Variants in IRAG1 observed in about 807,000 individuals in gnomAD.
The protein encoded by IRAG1 is inositol 1,4,5-triphosphate receptor associated 1, also known as IP3R-associated cGMP kinase substrate.
A neutral mutation model predicts 106.2 loss-of-function variants in IRAG1; 62 were observed. That is an observed-to-expected ratio of 0.58 (90% CI 0.48 to 0.72). The LOEUF is 0.72. Among genes scored for constraint, IRAG1 ranks in the 30% least tolerant of loss-of-function variants. The pLI is 0.00. For synonymous variants in IRAG1, 462 were observed against 443.9 expected (o/e 1.04, Z -0.51); for missense variants, 1,064 against 1,140.7 (o/e 0.93, Z 0.97).
chr11:10,629,960 T>C (rs1402713685), intron 4 of IRAG1: 1 of 444,980 alleles, frequency 2.2e-6, no homozygotes, highest in Admixed American at 3.9e-5. Context: ...GTTCCCAGAA[T>C]TTTCCTAAAC....
At chr11:10,614,563 A>T (rs373641028) in intron 10 of IRAG1, among the ~76,000 whole-genome samples, 1 of 152,246 alleles carries the variant, frequency 6.6e-6, no homozygotes, top group African/African-American at 2.4e-5. Flanking sequence ...TACAGTAACC[A>T]AAACAGCATG....
At chr11:10,615,905 A>C (rs1387113212) in intron 10 of IRAG1, among the ~76,000 whole-genome samples, 1 of 136,442 alleles carries the variant, frequency 7.3e-6, no homozygotes, top group East Asian at 2.8e-4. Flanking sequence ...CACGTTGTGC[A>C]CATGTACCTT....
intron 15 of IRAG1, 83 bp downstream of exon 15, chr11:10,600,835 G>A: frequency 6.4e-7 from 1 of 1,562,874 alleles, no homozygotes; most frequent in Non-Finnish European, 8.7e-7. Flanking sequence ...TCCTGGGGCT[G>A]TTCTGACAGC....
At chr11:10,576,676 A>G in intron 20 of IRAG1, 101 bp from the exon 21 acceptor site, 2 of 1,467,628 alleles carry the variant, frequency 1.4e-6, no homozygotes, top group Non-Finnish European at 1.9e-6. Context: ...TGCTGTCTTG[A>G]GCAATAGTTC....
In IRAG1 at chr11:10,609,818, T is replaced by C. The variant is rs1854793533; in HGVS notation, c.1481A>G (p.Glu494Gly). Residue 494 changes from glutamate (E) to glycine (G), a missense_variant, in exon 11 of 21, where the codon GAA becomes GGA. By Grantham distance (98) the Glu-to-Gly change is moderately conservative (BLOSUM62 -2). Transcript: ENST00000423302. ...ATCTAAGCCACTCTTTGACTCTTCT[T>C]CCTCAATAGCTGGGGAGAGTTCAGA... Reference protein sequence around the residue: ...LPSELSPAIEEEESKSGLDVM... With the variant: ...LPSELSPAIEGEESKSGLDVM... 1 of 1,613,840 alleles carries C rather than the reference T, an allele frequency of 6.2e-7. No homozygotes were observed. Among genetic ancestry groups the C allele is most frequent in the African/African-American group, 1.3e-5 (1 of 74,914 alleles).
rs778228156 is a variant in IRAG1 at position 10,629,723 on chromosome 11, G to A, written c.401-12C>T. ...GTGCCCCGCGGGGTCTGCAGAAGGA[G>A]GATGAGCTGGGGTGAGAGCCACTGC... is the stretch of plus-strand genomic sequence containing the variant. On this transcript the variant is annotated splice_polypyrimidine_tract_variant and intron_variant, in intron 4 of 20. Transcript: ENST00000423302. The A allele has an allele frequency of 6.2e-7, 1 of 1,611,086 alleles. No homozygotes were observed. Among genetic ancestry groups the A allele is most frequent in the Non-Finnish European group, 8.5e-7 (1 of 1,178,498 alleles).
intron 16 of IRAG1, 68 bp from the exon 17 acceptor site, chr11:10,593,667 G>A: frequency 1.1e-5 from 13 of 1,191,596 alleles, no homozygotes; most frequent in African/African-American, 1.5e-5. Context: ...AGAAGGGCTG[G>A]GAAAAAGCCT....
At chr11:10,678,591 C>T (rs980882044) in intron 1 of IRAG1, among the ~76,000 whole-genome samples, 1 of 152,196 alleles carries the variant, frequency 6.6e-6, no homozygotes, top group Admixed American at 6.5e-5. Flanking sequence ...AGCCCAGTGC[C>T]CTTTCCACGC....
At position 10,593,505 on chromosome 11, in the gene IRAG1, G is replaced by A. The variant is rs968229354; in HGVS notation, c.2162C>T (p.Ser721Phe). 7 of 1,612,830 alleles carry A rather than the reference G, an allele frequency of 4.3e-6. No homozygotes were observed. The African/African-American group carries it at 9.3e-5, about 22-fold the overall frequency. ...GQTPSSSSIP[S>F]LPALSESPNG... ...CGTCATACTTACCAAGGCTGGTAAG[G>A]AGGGAATGGATGATGAGCTGGGAGT... is the stretch of plus-strand genomic sequence containing the variant. The change falls in exon 17 of 21, where the codon TCC becomes TTC. Residue 721 changes from serine to phenylalanine, a missense_variant. Transcript: ENST00000423302.
At chr11:10,592,087 T>G (rs181811058) in intron 17 of IRAG1, among the ~76,000 whole-genome samples, 3 of 152,324 alleles carry the variant, frequency 2.0e-5, no homozygotes, top group Admixed American at 6.5e-5. Context: ...CAGAAATTTC[T>G]TTACAATACG....
At chr11:10,639,411 T>C (rs1857359493) in intron 2 of IRAG1, among the ~76,000 whole-genome samples, 1 of 152,088 alleles carries the variant, frequency 6.6e-6, no homozygotes, top group African/African-American at 2.4e-5. Context: ...GGAGTTGTGG[T>C]TAAACTATTT....
rs372179089 is a variant in IRAG1 at position 10,626,614 on chromosome 11, C to T, written c.751-31G>A. 200 of 1,558,316 alleles carry T rather than the reference C, an allele frequency of 1.3e-4. No individual in the cohort carries two copies. In the African/African-American group the frequency reaches 1.8e-3, roughly 14 times the overall value. On this transcript the variant is annotated intron_variant, in intron 8 of 20. Transcript: ENST00000423302. ...AAAGACAAGGTAGAGCTGGAACCCT[C>T]GGGGGCAGGTTGAGGGGAAACAGGT...
At chr11:10,672,434 A>G (rs1860310921) in intron 1 of IRAG1, among the ~76,000 whole-genome samples, 1 of 152,268 alleles carries the variant, frequency 6.6e-6, no homozygotes, top group Non-Finnish European at 1.5e-5. Context: ...ATTTGCAAAT[A>G]GCATATCTAA....
At chr11:10,690,368 G>C in intron 1 of IRAG1, 1 of 1,255,020 alleles carries the variant, frequency 8.0e-7, no homozygotes, top group Non-Finnish European at 1.0e-6. Flanking sequence ...GCGAGACCCT[G>C]TCTAAAAAAA....
At chr11:10,672,351 G>A (rs1197727187) in intron 1 of IRAG1, among the ~76,000 whole-genome samples, 2 of 152,046 alleles carry the variant, frequency 1.3e-5, no homozygotes, top group Non-Finnish European at 2.9e-5. Context: ...GGACTTCATC[G>A]CGATACAAAA....
At chr11:10,580,372 TC>T in intron 20 of IRAG1, 82 bp downstream of exon 20, 1 of 1,550,772 alleles carries the variant, frequency 6.4e-7, no homozygotes, top group Non-Finnish European at 8.7e-7. Flanking sequence ...GACTGGCATT[TC>T]CAGGGATTTT....
At chr11:10,580,624 G>C (rs746931459) in intron 19 of IRAG1, 35 bp from the exon 20 acceptor site, 1 of 1,605,934 alleles carries the variant, frequency 6.2e-7, no homozygotes, top group Non-Finnish European at 8.5e-7. Context: ...AGTCTGGAAA[G>C]GGCAGATGCA....
intron 1 of IRAG1, among the ~76,000 whole-genome samples, chr11:10,675,203 C>T (rs957763119): frequency 5.9e-5 from 9 of 152,198 alleles, no homozygotes; most frequent in Non-Finnish European, 1.2e-4. Flanking sequence ...TTGCTTTCCA[C>T]CCTGGACTGG....
intron 19 of IRAG1, 80 bp downstream of exon 19, chr11:10,581,787 C>G: frequency 6.5e-7 from 1 of 1,545,882 alleles, no homozygotes; most frequent in Non-Finnish European, 8.7e-7. Context: ...CCTAAAGCCT[C>G]TAAGAAACAA....
Sources: gnomAD v4.1 joint callset for allele counts (sites outside exome capture counted in the v4.1 genomes callset) on GRCh38, gnomAD v4.1.1 for gene constraint, MANE v1.5 for transcripts, NCBI Gene and HGNC (gene_info 2026-07-23, HGNC 2026-07-21) for gene names.